Variants in COL27A1 observed in about 807,000 individuals in gnomAD.
COL27A1 encodes the protein collagen type XXVII alpha 1 chain, also known as collagen alpha-1(XXVII) chain.
A neutral mutation model predicts 251.3 loss-of-function variants in COL27A1; 106 were observed. That is an observed-to-expected ratio of 0.42 (90% CI 0.36 to 0.50). COL27A1 has a LOEUF of 0.50. COL27A1 is among the 20% of genes least tolerant of loss of function. The pLI, the probability that COL27A1 is intolerant of heterozygous loss-of-function variation, is 0.00. For synonymous variants in COL27A1, 1,000 were observed against 986.3 expected (o/e 1.01, Z -0.26); for missense variants, 2,325 against 2,522.8 (o/e 0.92, Z 1.68).
intron 17 of COL27A1, 64 bp downstream of exon 17, chr9:114,235,716 G>T (rs554701866): frequency 8.0e-7 from 1 of 1,245,084 alleles, no homozygotes; most frequent in African/African-American, 1.5e-5. Flanking sequence ...CCCTGGTCTT[G>T]GCTTCCTTCC....
intron 5 of COL27A1, among the ~76,000 whole-genome samples, chr9:114,186,439 C>T (rs1435495363): frequency 6.6e-6 from 1 of 152,190 alleles, no homozygotes; most frequent in African/African-American, 2.4e-5. Flanking sequence ...AGCGAGAAAG[C>T]AAAACAAGCC....
chr9:114,258,906 A>C (rs1185686289), intron 28 of COL27A1, among the ~76,000 whole-genome samples: 1 of 152,222 alleles, frequency 6.6e-6, no homozygotes, highest in African/African-American at 2.4e-5. Context: ...ACACTGTTGG[A>C]GGCTCTACAG....
chr9:114,220,859 G>T lies in COL27A1; in HGVS notation c.2421+1015G>T, dbSNP rs189693900. On this transcript the variant is annotated intron_variant, in intron 13 of 60. Transcript: ENST00000356083. ...AAATACAAAAAATTAGCTGGGCGTG[G>T]TGGCAGGCATCTGTAATCCCAGGTA... Among the ~76,000 whole-genome samples, 361 of 152,258 alleles carry T rather than the reference G, an allele frequency of 2.4e-3. 3 individuals carry two copies. The highest frequency in any genetic ancestry group is 3.3e-3 in the Non-Finnish European group (227 of 68,032).
intron 35 of COL27A1, 86 bp from the exon 36 acceptor site, chr9:114,270,641 TG>T (rs1479008069): frequency 5.6e-6 from 6 of 1,064,222 alleles, no homozygotes; most frequent in Non-Finnish European, 7.1e-6. Context: ...GTCAGGGTCC[TG>T]CCCCAGGGAG....
intron 3 of COL27A1, among the ~76,000 whole-genome samples, chr9:114,177,015 C>G (rs1827510572): frequency 6.6e-6 from 1 of 152,172 alleles, no homozygotes; most frequent in African/African-American, 2.4e-5. Flanking sequence ...AAATGAATTC[C>G]CCAGGCCTCA....
chr9:114,230,967 G>T (rs1326189190), intron 14 of COL27A1, 112 bp from the exon 15 acceptor site: 4 of 767,996 alleles, frequency 5.2e-6, no homozygotes, highest in Admixed American at 4.6e-5. Context: ...ATCCTACAGA[G>T]TTGCGTCTTT....
rs142408192 is a variant in COL27A1 at position 114,169,366 on chromosome 9, C to G, written c.1811C>G (p.Pro604Arg). 2 of 1,611,762 alleles carry G rather than the reference C, an allele frequency of 1.2e-6. No homozygotes were observed. Among genetic ancestry groups the G allele is most frequent in the African/African-American group, 2.7e-5 (2 of 74,876 alleles). The change falls in exon 3 of 61, where the codon CCC becomes CGC. Residue 604 changes from proline (P) to arginine (R), a missense_variant. Physicochemically the swap from Pro to Arg is moderately radical, Grantham distance 103. Transcript: ENST00000356083. ...CAATTCCTGTCCTCCAGCCCCCGGC[C>G]CACGAGCAGTGGCTATTCGATCTTC... ...PAQFLSSSPR[P>R]TSSGYSIFHL...
chr9:114,232,804 G>A (rs922137590), intron 16 of COL27A1, among the ~76,000 whole-genome samples: 3 of 152,220 alleles, frequency 2.0e-5, no homozygotes, highest in Non-Finnish European at 4.4e-5. Flanking sequence ...CGGGCACAGT[G>A]GCTCATGCCT....
Position 114,290,286 on chromosome 9 carries a change from T to G in COL27A1, c.4323T>G (p.Ala1441=). Residue 1441 remains alanine, a synonymous_variant, in exon 47 of 61, where the codon GCT becomes GCG. Transcript: ENST00000356083. This position sits in a 1 kb window ranked among gnomAD's most constrained non-coding sequence, Gnocchi z 4.6. The part of the protein sequence containing the change: ...VVGRQGLEGI[A]GPDGLPGRDG... ...GGAGACAGGGCCTCGAGGGCATCGCTGGACCAGATGGGCTTCCTGGCAGGG... is the reference window on the plus strand; with the variant it reads ...GGAGACAGGGCCTCGAGGGCATCGCGGGACCAGATGGGCTTCCTGGCAGGG... 1 of 1,582,892 alleles carries G rather than the reference T, an allele frequency of 6.3e-7. No homozygotes were observed. The highest frequency in any genetic ancestry group is 8.6e-7 in the Non-Finnish European group (1 of 1,164,674).
At chr9:114,242,901 A>G (rs1468965599) in intron 22 of COL27A1, among the ~76,000 whole-genome samples, 1 of 152,218 alleles carries the variant, frequency 6.6e-6, no homozygotes, top group Non-Finnish European at 1.5e-5. Flanking sequence ...ATTGAGTGGA[A>G]AGAGTGGCAT....
Position 114,242,192 on chromosome 9 carries a change from T to G in COL27A1, c.2841T>G (p.Asp947Glu), listed in dbSNP as rs756559559. 1.9e-6 allele frequency: 3 copies of G among 1,606,210 alleles called. No homozygotes were observed. In the Admixed American group the frequency reaches 5.2e-5, roughly 28 times the overall value. Residue 947 changes from aspartate to glutamate, a missense_variant, in exon 22 of 61, where the codon GAT (aspartate) becomes GAG (glutamate). Transcript: ENST00000356083. ...GPRGQLGPEG[D>E]EGPMGPPGAP... ...CTCGTGTCTCCCAATTCTAGGGAGATGAGGGACCCATGGGGCCGCCAGGGG... is the reference window on the plus strand; with the variant it reads ...CTCGTGTCTCCCAATTCTAGGGAGAGGAGGGACCCATGGGGCCGCCAGGGG...
intron 3 of COL27A1, among the ~76,000 whole-genome samples, chr9:114,171,260 G>C (rs925714782): frequency 9.2e-5 from 14 of 152,116 alleles, no homozygotes; most frequent in African/African-American, 3.4e-4. Flanking sequence ...AGAGGGCCAG[G>C]ACCTGCCCAA....
At chr9:114,231,913 C>T (rs773748081) in intron 16 of COL27A1, 47 bp downstream of exon 16, 7 of 1,574,276 alleles carry the variant, frequency 4.4e-6, no homozygotes, top group Non-Finnish European at 6.1e-6. Context: ...CTGCATGCCA[C>T]CCCCCTCTCC....
intron 10 of COL27A1, among the ~76,000 whole-genome samples, chr9:114,207,760 C>T (rs1280244474): frequency 2.0e-5 from 3 of 152,228 alleles, no homozygotes; most frequent in Non-Finnish European, 4.4e-5. Flanking sequence ...ACCTGCCCTG[C>T]CATTAGCTAG....
intron 31 of COL27A1, 100 bp downstream of exon 31, chr9:114,265,210 CCTT>C: frequency 1.6e-6 from 2 of 1,253,756 alleles, no homozygotes; most frequent in Non-Finnish European, 2.3e-6. Context: ...AAGTTCCTGT[CCTT>C]CTGTGGAAAC....
At chr9:114,307,295 T>C in intron 58 of COL27A1, 1 of 189,030 alleles carries the variant, frequency 5.3e-6, no homozygotes, top group Non-Finnish European at 1.1e-5. Flanking sequence ...ACTCCTACCC[T>C]CCCCCGGCAG....
intron 41 of COL27A1, among the ~76,000 whole-genome samples, chr9:114,287,915 C>T (rs1463915590): frequency 6.6e-6 from 1 of 152,088 alleles, no homozygotes; most frequent in Admixed American, 6.5e-5. Flanking sequence ...TGCTTCACAG[C>T]ACTGCACTGC....
intron 27 of COL27A1, among the ~76,000 whole-genome samples, chr9:114,253,916 A>G (rs1219071619): frequency 6.6e-6 from 1 of 151,936 alleles, no homozygotes; most frequent in East Asian, 1.9e-4. Context: ...CCCAATCTCC[A>G]CTCACTGCAA....
At chr9:114,212,259 G>C (rs1194328676) in intron 12 of COL27A1, among the ~76,000 whole-genome samples, 1 of 152,232 alleles carries the variant, frequency 6.6e-6, no homozygotes, top group Non-Finnish European at 1.5e-5. Flanking sequence ...AGGACCTGGA[G>C]TCTGAGAGGG....
Sources: gnomAD v4.1 joint callset for allele counts (sites outside exome capture counted in the v4.1 genomes callset) on GRCh38, gnomAD v4.1.1 for gene constraint, Gnocchi (gnomAD v3.1) non-coding constraint, MANE v1.5 for transcripts, NCBI Gene and HGNC (gene_info 2026-07-23, HGNC 2026-07-21) for gene names.